Variants in OTUD3 observed in about 807,000 individuals in gnomAD.
OTUD3 encodes the protein OTU domain-containing protein 3.
A neutral mutation model predicts 46.2 loss-of-function variants in OTUD3; 24 were observed. The ratio of observed to expected loss-of-function variants is 0.52; its 90% confidence interval spans 0.38 to 0.73. The LOEUF is 0.73. OTUD3 is among the 30% of genes least tolerant of loss of function. OTUD3 has a pLI of 0.00. For missense variants in OTUD3, 455 were observed against 523.3 expected (o/e 0.87, Z 1.27); for synonymous variants, 189 against 195.4 (o/e 0.97, Z 0.27).
intron 7 of OTUD3, among the ~76,000 whole-genome samples, chr1:19,907,144 A>G (rs978337226): frequency 2.0e-5 from 3 of 152,126 alleles, no homozygotes; most frequent in African/African-American, 4.8e-5. Context: ...ATTTTACTGA[A>G]TTTGGAATCA....
Position 19,908,965 on chromosome 1 carries a change from T to TTGTC in OTUD3, c.*1219_*1220insTGTC. 6.6e-6 allele frequency: 1 copy of TTGTC among 152,460 alleles called. No homozygotes were observed. Among genetic ancestry groups the TTGTC allele is most frequent in the East Asian group, 1.9e-4 (1 of 5,322 alleles). 9.4% of individuals were successfully genotyped at this position (152,460 alleles called of 1,614,324 possible). ...TTCGAATCACTCTTCAGTTCTGAAATAGACAGACTTGAGCAGTGGAGAGAC... is the reference window on the plus strand; with the variant it reads ...TTCGAATCACTCTTCAGTTCTGAAATTGTCAGACAGACTTGAGCAGTGGAGAGAC... On this transcript the variant is annotated 3_prime_UTR_variant, in exon 8 of 8. Coordinates refer to ENST00000375120, the MANE Select transcript of OTUD3 (RefSeq NM_015207.2).
intron 7 of OTUD3, 170 bp downstream of exon 7, chr1:19,906,786 C>T: frequency 1.7e-6 from 1 of 605,900 alleles, no homozygotes. Context: ...CCTCACTTAT[C>T]CTGTTTGGTG....
chr1:19,890,141 T>G (rs2045426621), intron 1 of OTUD3, among the ~76,000 whole-genome samples: 1 of 152,192 alleles, frequency 6.6e-6, no homozygotes, highest in East Asian at 1.9e-4. Flanking sequence ...ATGACTCTCC[T>G]GAGTCAGCCA....
chr1:19,902,508 A>G (rs2045604886), intron 4 of OTUD3, among the ~76,000 whole-genome samples: 1 of 152,190 alleles, frequency 6.6e-6, no homozygotes. Context: ...CCCGGCCAGT[A>G]TCTTAAAGTT....
At chr1:19,883,966 G>A (rs1423804110) in intron 1 of OTUD3, among the ~76,000 whole-genome samples, 1 of 152,144 alleles carries the variant, frequency 6.6e-6, no homozygotes, top group East Asian at 1.9e-4. Context: ...ACTTTGCTGC[G>A]TTGCTGTTTT....
At chr1:19,898,509 A>G (rs192871044) in intron 4 of OTUD3, among the ~76,000 whole-genome samples, 4,112 of 151,802 alleles carry the variant, frequency 0.027, 165 homozygotes, top group Admixed American at 0.091. Flanking sequence ...CGGGCGGATC[A>G]CCTGAGGTCG....
Position 19,908,239 on chromosome 1 carries a change from T to C in OTUD3, c.*493T>C, listed in dbSNP as rs1170169404. 1 of 152,422 alleles carries C rather than the reference T, an allele frequency of 6.6e-6. No individual in the cohort carries two copies. The highest frequency in any genetic ancestry group is 1.5e-5 in the Non-Finnish European group (1 of 68,098). 9.4% of individuals were successfully genotyped at this position (152,422 alleles called of 1,614,324 possible). ...AATGATCTCCAACTCAGGAATATGC[T>C]TTGATTTACTTCTAATCCAAGTTAC... On this transcript the variant is annotated 3_prime_UTR_variant, in exon 8 of 8. Coordinates refer to ENST00000375120, the MANE Select transcript of OTUD3 (RefSeq NM_015207.2).
intron 1 of OTUD3, among the ~76,000 whole-genome samples, chr1:19,888,834 CTGTGTA>C (rs1161254349): frequency 6.6e-6 from 1 of 152,306 alleles, no homozygotes; most frequent in East Asian, 1.9e-4. Flanking sequence ...GTTTCTGTGT[CTGTGTA>C]TGTGTATAGT....
chr1:19,899,366 C>G (rs2045558402), intron 4 of OTUD3, among the ~76,000 whole-genome samples: 1 of 152,238 alleles, frequency 6.6e-6, no homozygotes, highest in Non-Finnish European at 1.5e-5. Flanking sequence ...ACACATACTA[C>G]ACATCCCACA....
At chr1:19,888,785 GGTT>G (rs1179693239) in intron 1 of OTUD3, among the ~76,000 whole-genome samples, 3 of 152,248 alleles carry the variant, frequency 2.0e-5, no homozygotes, top group Middle Eastern at 3.4e-3. Flanking sequence ...CTATTTAAGT[GGTT>G]GTTTCTGTGT....
chr1:19,905,727 C>T (rs753851063), intron 6 of OTUD3, among the ~76,000 whole-genome samples: 8 of 151,922 alleles, frequency 5.3e-5, no homozygotes, highest in Non-Finnish European at 8.8e-5. Context: ...GGCAACAGAG[C>T]GAGACTCCCT....
In OTUD3 at chr1:19,890,084, T is replaced by C. The variant is rs2045425795; in HGVS notation, c.222-301T>C. Among the ~76,000 whole-genome samples, 5 of 152,332 alleles carry C rather than the reference T, an allele frequency of 3.3e-5. No individual in the cohort carries two copies. The South Asian group carries it at 1.0e-3, about 32-fold the overall frequency. The stretch of plus-strand genomic sequence containing the variant: ...GGACCTTGTAGTAAGGTGGTTAGTG[T>C]ATCACCGGCTCCACTTGTTGAAGCA... On this transcript the variant is annotated intron_variant, in intron 1 of 7. Transcript: ENST00000375120.
At position 19,884,242 on chromosome 1, in the gene OTUD3, A is replaced by G. The variant is rs371052806; in HGVS notation, c.221+1508A>G. 1.1e-4 allele frequency among the ~76,000 whole-genome samples: 17 copies of G among 152,308 alleles called. No homozygotes were observed. In the South Asian group the frequency reaches 3.5e-3, roughly 32 times the overall value. ...TGCTATACTGGGTATGGTATTCTCA[A>G]TGTCAGGGTGCCCAGGAAACTGAAG... On this transcript the variant is annotated intron_variant, in intron 1 of 7. Transcript: ENST00000375120.
intron 1 of OTUD3, among the ~76,000 whole-genome samples, chr1:19,888,352 A>T (rs1041334888): frequency 6.6e-6 from 1 of 152,176 alleles, no homozygotes; most frequent in East Asian, 1.9e-4. Flanking sequence ...CTTTGTTCTC[A>T]TGAGTTTCTT....
In OTUD3 at chr1:19,882,552, C is replaced by A; in HGVS notation, c.39C>A (p.Ser13Arg). Residue 13 changes from serine (S) to arginine (R), a missense_variant, in exon 1 of 8, where the codon AGC (serine) becomes AGA (arginine). By Grantham distance (110) the Ser-to-Arg change is moderately radical. Coordinates refer to ENST00000375120, the MANE Select transcript of OTUD3 (RefSeq NM_015207.2). Reference protein sequence around the residue: ...RKQAAKSRPGSGSRKAEAERK... With the variant: ...RKQAAKSRPGRGSRKAEAERK... The stretch of plus-strand genomic sequence containing the variant: ...AGGCGGCGAAGAGCCGGCCGGGCAG[C>A]GGCAGCCGGAAAGCCGAGGCCGAGC... The A allele has an allele frequency of 7.4e-7, 1 of 1,352,294 alleles. No homozygotes were observed. The highest frequency in any genetic ancestry group is 1.9e-5 in the South Asian group (1 of 52,028). 83.8% of individuals were successfully genotyped at this position (1,352,294 alleles called of 1,614,324 possible). A position where few individuals can be genotyped will look rare whatever the true frequency, so the allele number is the denominator to read the frequency against.
intron 4 of OTUD3, among the ~76,000 whole-genome samples, chr1:19,901,576 A>T (rs1309447797): frequency 6.6e-6 from 1 of 152,228 alleles, no homozygotes; most frequent in Non-Finnish European, 1.5e-5. Flanking sequence ...AGTGGTACTC[A>T]GTACATCTGC....
In OTUD3 at chr1:19,910,042, C is replaced by T. The variant is rs1300635852; in HGVS notation, c.*2296C>T. The stretch of plus-strand genomic sequence containing the variant: ...GCTAATGGTTTCAATTTAGACTTCA[C>T]TGCCTCAGTCTCACTGGGTACATGA... On this transcript the variant is annotated 3_prime_UTR_variant, in exon 8 of 8. Coordinates refer to ENST00000375120, the MANE Select transcript of OTUD3 (RefSeq NM_015207.2). 1.3e-5 allele frequency: 2 copies of T among 152,368 alleles called. No homozygotes were observed. Among genetic ancestry groups the T allele is most frequent in the Admixed American group, 6.5e-5 (1 of 15,288 alleles). 9.4% of individuals were successfully genotyped at this position (152,368 alleles called of 1,614,324 possible).
intron 6 of OTUD3, among the ~76,000 whole-genome samples, chr1:19,905,778 C>A (rs1349439843): frequency 1.3e-5 from 2 of 152,108 alleles, no homozygotes; most frequent in Non-Finnish European, 2.9e-5. Flanking sequence ...TTATTAATTT[C>A]TCAAGTCATT....
chr1:19,885,826 G>T (rs969097386), intron 1 of OTUD3, among the ~76,000 whole-genome samples: 4 of 152,196 alleles, frequency 2.6e-5, no homozygotes, highest in African/African-American at 9.7e-5. Context: ...TTAAAAAATA[G>T]TTGACATCTC....
Sources: allele counts gnomAD v4.1 joint callset (sites outside exome capture counted in the v4.1 genomes callset), GRCh38; gene constraint gnomAD v4.1.1; transcripts MANE v1.5; gene names NCBI Gene and HGNC (gene_info 2026-07-23, HGNC 2026-07-21).